MC2R: variants seen among roughly 807,000 people sequenced by gnomAD.
MC2R encodes the protein adrenocorticotropic hormone receptor.
A neutral mutation model predicts 9.8 loss-of-function variants in MC2R; 9 were observed. The ratio of observed to expected loss-of-function variants is 0.92; its 90% confidence interval spans 0.55 to 1.60. MC2R has a LOEUF of 1.60. Ranked by LOEUF, MC2R falls within the 40% of genes most tolerant of loss-of-function variation. MC2R has a pLI of 0.00. For missense variants in MC2R, 370 were observed against 389.0 expected (o/e 0.95, Z 0.41); for synonymous variants, 185 against 154.7 (o/e 1.20, Z -1.45).
At chr18:13,912,863 T>C (rs2045452691) in intron 1 of MC2R, among the ~76,000 whole-genome samples, 1 of 152,172 alleles carries the variant, frequency 6.6e-6, no homozygotes, top group South Asian at 2.1e-4. Context: ...ACATCTTGTT[T>C]TGAATTCCGC....
intron 1 of MC2R, among the ~76,000 whole-genome samples, chr18:13,909,312 C>T (rs942767059): frequency 2.0e-5 from 3 of 152,302 alleles, no homozygotes; most frequent in East Asian, 1.9e-4. Flanking sequence ...TCAAGGGACA[C>T]GCTATCAAGG....
intron 1 of MC2R, among the ~76,000 whole-genome samples, chr18:13,886,048 T>C (rs1484883313): frequency 1.4e-5 from 2 of 144,822 alleles, no homozygotes; most frequent in Non-Finnish European, 3.0e-5. Context: ...GGATATAGAG[T>C]GTGGAATGGA....
chr18:13,902,735 C>T (rs866212087), intron 1 of MC2R, among the ~76,000 whole-genome samples: 5 of 152,016 alleles, frequency 3.3e-5, no homozygotes, highest in African/African-American at 1.2e-4. Flanking sequence ...AACTATGAAA[C>T]TAATACAATA....
chr18:13,904,218 C>CAAA (rs71174201), intron 1 of MC2R, among the ~76,000 whole-genome samples: 1 of 144,388 alleles, frequency 6.9e-6, no homozygotes, highest in Non-Finnish European at 1.5e-5. Context: ...ACTAAAAATA[C>CAAA]AAAAAAAAAA....
At chr18:13,901,327 C>CA (rs1311332417) in intron 1 of MC2R, among the ~76,000 whole-genome samples, 1 of 150,764 alleles carries the variant, frequency 6.6e-6, no homozygotes, top group Admixed American at 6.6e-5. Context: ...TGATGCATCT[C>CA]AAAAAAACTA....
intron 1 of MC2R, among the ~76,000 whole-genome samples, chr18:13,908,340 G>C (rs2045425528): frequency 6.6e-6 from 1 of 152,150 alleles, no homozygotes; most frequent in African/African-American, 2.4e-5. Context: ...CATGAAGACA[G>C]ATAGTGGTGG....
At chr18:13,912,454 A>G (rs2045449994) in intron 1 of MC2R, among the ~76,000 whole-genome samples, 1 of 152,150 alleles carries the variant, frequency 6.6e-6, no homozygotes, top group African/African-American at 2.4e-5. Context: ...CTAGCTCTGA[A>G]ACAGGTATGG....
chr18:13,902,740 A>C (rs1348703789), intron 1 of MC2R, among the ~76,000 whole-genome samples: 1 of 152,198 alleles, frequency 6.6e-6, no homozygotes, highest in African/African-American at 2.4e-5. Flanking sequence ...TGAAACTAAT[A>C]CAATAAAACA....
intron 1 of MC2R, among the ~76,000 whole-genome samples, chr18:13,913,430 G>A (rs1013114509): frequency 6.6e-6 from 1 of 152,216 alleles, no homozygotes; most frequent in Non-Finnish European, 1.5e-5. Flanking sequence ...ATTAGTCTCT[G>A]TAGTTTGCAC....
chr18:13,889,646 T>C (rs188906531), intron 1 of MC2R, among the ~76,000 whole-genome samples: 22 of 152,294 alleles, frequency 1.4e-4, no homozygotes, highest in Admixed American at 7.2e-4. Flanking sequence ...CCAGGGAGCA[T>C]GGGCCTAAAG....
Position 13,884,346 on chromosome 18 carries a change from C to CA in MC2R, c.*278dup. ...AATTTTTGGTCATTGAAAGTAATGGCAAAAACCTTAATTACTTTTGTACCT... is the reference window on the plus strand; with the variant it reads ...AATTTTTGGTCATTGAAAGTAATGGCAAAAAACCTTAATTACTTTTGTACCT... On this transcript the variant is annotated 3_prime_UTR_variant, in exon 2 of 2. Coordinates refer to ENST00000327606, the MANE Select transcript of MC2R (RefSeq NM_000529.2). The CA allele has an allele frequency of 2.1e-6, 1 of 483,738 alleles. No individual in the cohort carries two copies. The allele number at this position is 483,738 out of a possible 1,614,324, so 30.0% of individuals were successfully genotyped here. A position where few individuals can be genotyped will look rare whatever the true frequency, so the allele number is the denominator to read the frequency against.
intron 1 of MC2R, 81 bp downstream of exon 1, chr18:13,915,407 T>G (rs1019053116): frequency 1.3e-5 from 2 of 152,658 alleles, no homozygotes; most frequent in African/African-American, 4.8e-5. Flanking sequence ...ATAGTACCTC[T>G]TCTCAGATTT....
At chr18:13,908,322 G>A (rs1450932473) in intron 1 of MC2R, among the ~76,000 whole-genome samples, 1 of 152,154 alleles carries the variant, frequency 6.6e-6, no homozygotes, top group Admixed American at 6.5e-5. Flanking sequence ...AGCTAAAAAA[G>A]TAAATCTCAT....
At position 13,884,841 on chromosome 18, in the gene MC2R, C is replaced by T. The variant is rs1473543949; in HGVS notation, c.678G>A (p.Gly226=). ...AGGGGGCCCAGCAGAAGATGAAGAC[C>T]CCGAGCAGGATGGTCAGTGTGATGG... is the stretch of plus-strand genomic sequence containing the variant. ...KGAITLTILL[G]VFIFCWAPFV... is the part of the protein sequence containing the mutation. Residue 226 remains glycine (G), a synonymous_variant, in exon 2 of 2, where the codon GGG becomes GGA. Coordinates refer to ENST00000327606, the MANE Select transcript of MC2R (RefSeq NM_000529.2). 2 of 1,613,960 alleles carry T rather than the reference C, an allele frequency of 1.2e-6. No homozygotes were observed. Among genetic ancestry groups the T allele is most frequent in the Admixed American group, 3.3e-5 (2 of 60,012 alleles).
At chr18:13,892,698 G>C (rs912791604) in intron 1 of MC2R, among the ~76,000 whole-genome samples, 5 of 152,042 alleles carry the variant, frequency 3.3e-5, no homozygotes, top group Non-Finnish European at 2.9e-5. Flanking sequence ...CCATGGTTCA[G>C]TCAAGTTGAG....
At chr18:13,910,682 C>T (rs1404181430) in intron 1 of MC2R, among the ~76,000 whole-genome samples, 1 of 152,196 alleles carries the variant, frequency 6.6e-6, no homozygotes, top group Non-Finnish European at 1.5e-5. Context: ...TGACCAGGGG[C>T]TGCTGGTCCC....
chr18:13,915,222 T>A (rs1174858382), intron 1 of MC2R, among the ~76,000 whole-genome samples: 1 of 152,156 alleles, frequency 6.6e-6, no homozygotes. Flanking sequence ...TAGAGCTCAA[T>A]GACAATTTGA....
At chr18:13,886,397 A>G (rs895814707) in intron 1 of MC2R, among the ~76,000 whole-genome samples, 4 of 152,206 alleles carry the variant, frequency 2.6e-5, no homozygotes, top group African/African-American at 9.6e-5. Context: ...TGTGGGATGA[A>G]CAGATGAACA....
chr18:13,911,351 C>A (rs2045443348), intron 1 of MC2R, among the ~76,000 whole-genome samples: 1 of 152,146 alleles, frequency 6.6e-6, no homozygotes, highest in Non-Finnish European at 1.5e-5. Flanking sequence ...CCTGCACAGT[C>A]CCATTTTCAT....
Sources: allele counts gnomAD v4.1 joint callset (sites outside exome capture counted in the v4.1 genomes callset), GRCh38; gene constraint gnomAD v4.1.1; transcripts MANE v1.5; gene names NCBI Gene and HGNC (gene_info 2026-07-23, HGNC 2026-07-21).